Variants in DENND5B observed in about 807,000 individuals in gnomAD.
DENND5B encodes the protein DENN domain-containing protein 5B.
DENND5B carries 34 observed loss-of-function variants against 140.6 expected under a neutral mutation model. That is an observed-to-expected ratio of 0.24 (90% CI 0.18 to 0.32). The LOEUF is 0.32. DENND5B is among the 10% of genes least tolerant of loss of function. The pLI, the probability that DENND5B is intolerant of heterozygous loss-of-function variation, is 1.00. For missense variants in DENND5B, 1,142 were observed against 1,560.2 expected, an observed-to-expected ratio of 0.73 and a Z score of 4.52; for synonymous variants, 551 against 562.1, an observed-to-expected ratio of 0.98 and a Z score of 0.28.
chr12:31,512,424 G>A (rs947750470), intron 1 of DENND5B, among the ~76,000 whole-genome samples: 4 of 148,622 alleles, frequency 2.7e-5, no homozygotes, highest in Non-Finnish European at 5.9e-5. Context: ...TAGAGATAAG[G>A]TCTTGCTATG....
intron 4 of DENND5B, among the ~76,000 whole-genome samples, chr12:31,454,767 A>C (rs1944692515): frequency 6.6e-6 from 1 of 150,478 alleles, no homozygotes; most frequent in Admixed American, 6.7e-5. Context: ...TTTACACTGA[A>C]AGGCTTAAAT....
chr12:31,568,293 G>A (rs1203025530), intron 1 of DENND5B, among the ~76,000 whole-genome samples: 1 of 152,164 alleles, frequency 6.6e-6, no homozygotes, highest in Non-Finnish European at 1.5e-5. Context: ...ATCTCATTAT[G>A]TATATGCAAA....
intron 7 of DENND5B, among the ~76,000 whole-genome samples, chr12:31,439,143 A>G (rs1368817099): frequency 6.6e-6 from 1 of 152,230 alleles, no homozygotes; most frequent in Non-Finnish European, 1.5e-5. Flanking sequence ...ACCAATGATA[A>G]TCACAATTGC....
At chr12:31,427,304 G>C (rs945355960) in intron 8 of DENND5B, among the ~76,000 whole-genome samples, 2 of 151,930 alleles carry the variant, frequency 1.3e-5, no homozygotes, top group African/African-American at 4.8e-5. Context: ...TTTCTATGCT[G>C]TCTATAAAAG....
At chr12:31,469,352 G>A (rs1033769048) in intron 3 of DENND5B, among the ~76,000 whole-genome samples, 1 of 139,602 alleles carries the variant, frequency 7.2e-6, no homozygotes, top group Non-Finnish European at 1.6e-5. Context: ...AAAAAAAGAA[G>A]AAGAAGAAGA....
At chr12:31,416,409 G>A (rs909192227) in intron 11 of DENND5B, among the ~76,000 whole-genome samples, 20 of 152,004 alleles carry the variant, frequency 1.3e-4, no homozygotes, top group African/African-American at 4.1e-4. Context: ...GACTACAGGA[G>A]TGCGCCACCA....
chr12:31,546,602 G>C (rs1013265284), intron 1 of DENND5B, among the ~76,000 whole-genome samples: 1 of 152,100 alleles, frequency 6.6e-6, no homozygotes, highest in African/African-American at 2.4e-5. Flanking sequence ...CAGGAGAATC[G>C]CTTGAACCAG....
chr12:31,555,462 C>G (rs529069104), intron 1 of DENND5B, among the ~76,000 whole-genome samples: 19 of 152,338 alleles, frequency 1.2e-4, no homozygotes, highest in East Asian at 7.7e-4. Context: ...CAGTCCACCC[C>G]TACTGGGGGG....
rs1940709057 is a variant in DENND5B at position 31,383,318 on chromosome 12, C to T, written c.*4285G>A. 1 of 152,032 alleles carries T rather than the reference C, an allele frequency of 6.6e-6. No individual in the cohort carries two copies. Among genetic ancestry groups the T allele is most frequent in the Non-Finnish European group, 1.5e-5 (1 of 67,990 alleles). 9.4% of individuals were successfully genotyped at this position (152,032 alleles called of 1,614,324 possible). ...GTCTGTCACCTCATGTTTCAAAATA[C>T]CTTAGGGATGTCAACATATACTACA... On this transcript the variant is annotated 3_prime_UTR_variant, in exon 21 of 21. Transcript: ENST00000389082.
intron 3 of DENND5B, among the ~76,000 whole-genome samples, chr12:31,466,182 G>A (rs964890291): frequency 2.0e-5 from 3 of 151,982 alleles, no homozygotes; most frequent in Admixed American, 1.3e-4. Context: ...GTGAAACCCC[G>A]TCTCTACTAA....
chr12:31,584,116 A>G (rs1040687843), intron 1 of DENND5B, among the ~76,000 whole-genome samples: 4 of 152,210 alleles, frequency 2.6e-5, no homozygotes, highest in African/African-American at 4.8e-5. Flanking sequence ...TCTGTGACCA[A>G]CAGTGGAAAT....
chr12:31,499,710 A>T, intron 1 of DENND5B: 1 of 1,406,016 alleles, frequency 7.1e-7, no homozygotes, highest in African/African-American at 1.5e-5. Context: ...TTTATGAACA[A>T]ATAAAAACAA....
chr12:31,551,378 T>A (rs563713134), intron 1 of DENND5B, among the ~76,000 whole-genome samples: 1 of 152,156 alleles, frequency 6.6e-6, no homozygotes, highest in African/African-American at 2.4e-5. Flanking sequence ...GTTGTAGATA[T>A]GCGGCATTAT....
At chr12:31,411,599 T>A (rs1242522733) in intron 13 of DENND5B, among the ~76,000 whole-genome samples, 1 of 151,942 alleles carries the variant, frequency 6.6e-6, no homozygotes, top group Admixed American at 6.6e-5. Context: ...TGCCTCGGCC[T>A]CCCAAAGTGC....
intron 14 of DENND5B, among the ~76,000 whole-genome samples, chr12:31,403,214 G>A (rs766477552): frequency 2.0e-5 from 3 of 152,034 alleles, no homozygotes; most frequent in Non-Finnish European, 2.9e-5. Context: ...TGGACATATC[G>A]TGAAGTCTAT....
At chr12:31,511,922 T>TTTC (rs1947436032) in intron 1 of DENND5B, among the ~76,000 whole-genome samples, 1 of 12,362 alleles carries the variant, frequency 8.1e-5, no homozygotes, top group Admixed American at 1.6e-3. Flanking sequence ...TCCACTGCCC[T>TTTC]TTTTTTTTTT....
chr12:31,565,730 A>T (rs965988311), intron 1 of DENND5B, among the ~76,000 whole-genome samples: 2 of 152,198 alleles, frequency 1.3e-5, no homozygotes, highest in Non-Finnish European at 2.9e-5. Context: ...GACCCAGAAG[A>T]ATCTCTGTTG....
At chr12:31,409,221 G>T in intron 14 of DENND5B, 42 bp downstream of exon 14, 1 of 1,510,262 alleles carries the variant, frequency 6.6e-7, no homozygotes, top group Non-Finnish European at 8.8e-7. Flanking sequence ...TTATTGCATT[G>T]GTCACCTCAG....
intron 13 of DENND5B, among the ~76,000 whole-genome samples, chr12:31,411,485 T>C (rs1364381444): frequency 6.6e-6 from 1 of 151,654 alleles, no homozygotes; most frequent in Non-Finnish European, 1.5e-5. Flanking sequence ...GCTGGGATTA[T>C]AGGCATGCGC....
Sources: allele counts gnomAD v4.1 joint callset (sites outside exome capture counted in the v4.1 genomes callset), GRCh38; gene constraint gnomAD v4.1.1; transcripts MANE v1.5; gene names NCBI Gene and HGNC (gene_info 2026-07-23, HGNC 2026-07-21).